The following NTRK3 variants were observed in gnomAD, a reference collection of about 807,000 sequenced individuals.
NTRK3 encodes the protein neurotrophic receptor tyrosine kinase 3.
Under a neutral mutation model 91.7 loss-of-function variants are expected in NTRK3, and 24 were observed. The observed-to-expected ratio is 0.26, with a 90% CI of 0.19 to 0.37. NTRK3 has a LOEUF of 0.37. Ranked by LOEUF, NTRK3 falls within the 10% of genes least tolerant of loss-of-function variation. NTRK3 has a pLI of 1.00. For missense variants in NTRK3, 880 were observed against 1,068.9 expected, an observed-to-expected ratio of 0.82 and a Z score of 2.46; for synonymous variants, 483 against 404.0, an observed-to-expected ratio of 1.20 and a Z score of -2.34.
chr15:88,108,294 G>T (rs575768650), intron 13 of NTRK3, among the ~76,000 whole-genome samples: 9 of 152,350 alleles, frequency 5.9e-5, no homozygotes, highest in African/African-American at 1.7e-4. Context: ...GAGTCAGGAA[G>T]TAAGAGTCAC....
intron 3 of NTRK3, among the ~76,000 whole-genome samples, chr15:88,214,076 C>T (rs1299221356): frequency 4.1e-5 from 3 of 73,250 alleles, no homozygotes; most frequent in African/African-American, 1.4e-4. Context: ...GAGACTCTGT[C>T]TCAAAAAAGA....
At chr15:87,892,723 T>C (rs942308372) in intron 17 of NTRK3, among the ~76,000 whole-genome samples, 1 of 152,214 alleles carries the variant, frequency 6.6e-6, no homozygotes, top group Admixed American at 6.5e-5. Context: ...CATTAAAAGT[T>C]AAATTTAAAT....
At position 87,961,281 on chromosome 15, in the gene NTRK3, A is replaced by C. The variant is rs113436037; in HGVS notation, c.1586-20528T>G. Among the ~76,000 whole-genome samples the C allele has an allele frequency of 1.4e-3, 215 of 152,328 alleles. 1 individual carries two copies. Among genetic ancestry groups the C allele is most frequent in the Middle Eastern group, 6.8e-3 (2 of 294 alleles). ...GGTTTGAATCCACCATGTAAACCTG[A>C]TGCATAGCCTACACTTGGCATTAAG... is the stretch of plus-strand genomic sequence containing the variant. On this transcript the variant is annotated intron_variant, in intron 14 of 18. Coordinates refer to ENST00000394480, the Ensembl canonical transcript of NTRK3.
intron 14 of NTRK3, among the ~76,000 whole-genome samples, chr15:87,979,779 T>A (rs1287868394): frequency 1.3e-5 from 2 of 152,116 alleles, no homozygotes; most frequent in African/African-American, 2.4e-5. Flanking sequence ...TCTATAAGCA[T>A]CTTTCTGAAA....
intron 5 of NTRK3, among the ~76,000 whole-genome samples, chr15:88,159,091 G>A (rs2044196951): frequency 6.6e-6 from 1 of 152,206 alleles, no homozygotes; most frequent in Non-Finnish European, 1.5e-5. Flanking sequence ...AAAGGCTGGT[G>A]GGAGCCTGCA....
chr15:88,056,462 T>A (rs2045704766), intron 13 of NTRK3, among the ~76,000 whole-genome samples: 1 of 152,124 alleles, frequency 6.6e-6, no homozygotes, highest in South Asian at 2.1e-4. Context: ...TAACAGTACT[T>A]ATGTAGTTTA....
intron 13 of NTRK3, among the ~76,000 whole-genome samples, chr15:88,056,744 T>A (rs1344311571): frequency 1.3e-5 from 2 of 152,226 alleles, no homozygotes; most frequent in African/African-American, 4.8e-5. Context: ...TTTCTCAGTA[T>A]CTCCCCATTG....
chr15:88,075,283 G>C (rs1345197106), intron 13 of NTRK3, among the ~76,000 whole-genome samples: 1 of 152,202 alleles, frequency 6.6e-6, no homozygotes, highest in Non-Finnish European at 1.5e-5. Context: ...AACTCTATCT[G>C]CATGACGTCA....
At chr15:88,094,831 C>T (rs188521226) in intron 13 of NTRK3, among the ~76,000 whole-genome samples, 2 of 152,332 alleles carry the variant, frequency 1.3e-5, no homozygotes, top group East Asian at 1.9e-4. Flanking sequence ...GAATATGGCT[C>T]AGTGTTTCCT....
intron 14 of NTRK3, among the ~76,000 whole-genome samples, chr15:87,944,989 T>C (rs1275664163): frequency 6.6e-6 from 1 of 152,188 alleles, no homozygotes; most frequent in East Asian, 1.9e-4. Flanking sequence ...TGGATTTTCC[T>C]AAGAGGAGAG....
intron 13 of NTRK3, among the ~76,000 whole-genome samples, chr15:88,042,483 G>A (rs1414696879): frequency 1.3e-5 from 2 of 152,140 alleles, no homozygotes; most frequent in African/African-American, 4.8e-5. Flanking sequence ...ATGGGGTCCT[G>A]CAGGCAGCAC....
intron 13 of NTRK3, among the ~76,000 whole-genome samples, chr15:88,082,647 A>T (rs1156774472): frequency 6.6e-6 from 1 of 152,198 alleles, no homozygotes; most frequent in African/African-American, 2.4e-5. Context: ...ACTCAACATA[A>T]TGTCCATGAG....
rs1158811916 is a variant in NTRK3, at chr15:88,243,342, G to A, written c.248+12564C>T. Reference sequence around the variant, plus strand: ...TTAAATAACTTCCTGAGCCTGGCCCGTCTGCCAACGCTCCCTCCTGGATCT... The same window carrying A: ...TTAAATAACTTCCTGAGCCTGGCCCATCTGCCAACGCTCCCTCCTGGATCT... On this transcript the variant is annotated intron_variant, in intron 3 of 18. Coordinates refer to ENST00000394480, the Ensembl canonical transcript of NTRK3. The surrounding 1 kb of genome is among the most constrained non-coding windows in gnomAD (Gnocchi z 4.8). Among the ~76,000 whole-genome samples, 5 of 152,084 alleles carry A rather than the reference G, an allele frequency of 3.3e-5. No homozygotes were observed. The highest frequency in any genetic ancestry group is 1.2e-4 in the African/African-American group (5 of 41,402).
chr15:88,135,810 T>G, intron 9 of NTRK3, 89 bp downstream of exon 9: 1 of 1,539,394 alleles, frequency 6.5e-7, no homozygotes, highest in South Asian at 1.2e-5. Context: ...CTGCTCTAGC[T>G]CACCCCTGAC....
intron 17 of NTRK3, among the ~76,000 whole-genome samples, chr15:87,899,360 G>A (rs942674535): frequency 6.6e-6 from 1 of 152,046 alleles, no homozygotes; most frequent in Non-Finnish European, 1.5e-5. Context: ...TAAGCAAAAG[G>A]AGACCCACCC....
At chr15:87,981,885 G>A (rs1432782146) in intron 14 of NTRK3, among the ~76,000 whole-genome samples, 2 of 152,208 alleles carry the variant, frequency 1.3e-5, no homozygotes, top group African/African-American at 2.4e-5. Flanking sequence ...GTGGTGTTTG[G>A]TTCCTTAAAA....
Position 87,859,996 on chromosome 15 carries a change from A to G in NTRK3, c.*16939T>C, listed in dbSNP as rs1247067203. 1.5e-5 allele frequency: 3 copies of G among 196,146 alleles called. No homozygotes were observed. In the Admixed American group the frequency reaches 1.8e-4, roughly 12 times the overall value. The allele number at this position is 196,146 out of a possible 1,614,324, so 12.2% of individuals were successfully genotyped here. On this transcript the variant is annotated 3_prime_UTR_variant, in exon 19 of 19. Transcript: ENST00000394480. Reference sequence around the variant, plus strand: ...TGCATATACATACCTATGTCCATACATACACACACATATATACATATATAT... The same window carrying G: ...TGCATATACATACCTATGTCCATACGTACACACACATATATACATATATAT...
intron 13 of NTRK3, among the ~76,000 whole-genome samples, chr15:88,074,782 T>C (rs1485484181): frequency 6.6e-6 from 1 of 152,214 alleles, no homozygotes; most frequent in Non-Finnish European, 1.5e-5. Context: ...GGATTCGAAT[T>C]GACAGACCTA....
At chr15:88,059,301 A>G (rs1331511517) in intron 13 of NTRK3, among the ~76,000 whole-genome samples, 2 of 152,216 alleles carry the variant, frequency 1.3e-5, no homozygotes, top group Non-Finnish European at 2.9e-5. Context: ...CAGATAGATC[A>G]GCGATGGCTC....
Sources: gnomAD v4.1 joint callset for allele counts (sites outside exome capture counted in the v4.1 genomes callset) on GRCh38, gnomAD v4.1.1 for gene constraint, Gnocchi (gnomAD v3.1) non-coding constraint, MANE v1.5 for transcripts, NCBI Gene and HGNC (gene_info 2026-07-23, HGNC 2026-07-21) for gene names.